Variants in RABEP1 observed in about 807,000 individuals in gnomAD.
RABEP1 encodes rabaptin, RAB GTPase binding effector protein 1.
RABEP1 carries 51 observed loss-of-function variants against 123.4 expected under a neutral mutation model. The ratio of observed to expected loss-of-function variants is 0.41; its 90% confidence interval spans 0.33 to 0.52. The LOEUF is 0.52. RABEP1 is among the 20% of genes least tolerant of loss of function. The pLI, the probability that RABEP1 is intolerant of heterozygous loss-of-function variation, is 0.16. For synonymous variants in RABEP1, 347 were observed against 355.2 expected (o/e 0.98, Z 0.26); for missense variants, 888 against 996.3 (o/e 0.89, Z 1.46).
intron 8 of RABEP1, among the ~76,000 whole-genome samples, chr17:5,357,256 C>CT (rs1262821837): frequency 6.6e-6 from 1 of 152,156 alleles, no homozygotes; most frequent in East Asian, 1.9e-4. Context: ...TAAATCTACT[C>CT]TAAGGTTTTG....
Position 5,385,514 on chromosome 17 carries a change from CTT to C in RABEP1, c.*2292_*2293del, listed in dbSNP as rs1911882870. Reference sequence around the variant, plus strand: ...CACATTGGCAAGTGTAAAAAGATGACTTAAGGTGAAGTGAGGACAAAATCACA... The same window carrying C: ...CACATTGGCAAGTGTAAAAAGATGACAAGGTGAAGTGAGGACAAAATCACA... On this transcript the variant is annotated 3_prime_UTR_variant, in exon 18 of 18. Transcript: ENST00000537505. The C allele has an allele frequency of 4.3e-6, 1 of 230,702 alleles. No individual in the cohort carries two copies. Among genetic ancestry groups the C allele is most frequent in the African/African-American group, 2.2e-5 (1 of 45,202 alleles). The allele number at this position is 230,702 out of a possible 1,614,324, so 14.3% of individuals were successfully genotyped here.
Position 5,338,144 on chromosome 17 carries a change from G to A in RABEP1, c.648+6G>A. On this transcript the variant is annotated splice_donor_region_variant and intron_variant, in intron 5 of 17. Transcript: ENST00000537505. ...AAGAGCTGGAGGCCTCAAAGGTTAT[G>A]AAACATTGTAATCCATTTGCTTGAA... 6.2e-7 allele frequency: 1 copy of A among 1,608,920 alleles called. No homozygotes were observed. The highest frequency in any genetic ancestry group is 1.3e-5 in the African/African-American group (1 of 74,790).
intron 1 of RABEP1, among the ~76,000 whole-genome samples, chr17:5,308,312 G>A (rs1422604619): frequency 2.7e-5 from 4 of 148,906 alleles, no homozygotes; most frequent in African/African-American, 5.0e-5. Context: ...TGCAACCTCC[G>A]CCTCCCGGGT....
At chr17:5,342,604 TCACA>T (rs1035968797) in intron 5 of RABEP1, among the ~76,000 whole-genome samples, 5 of 152,074 alleles carry the variant, frequency 3.3e-5, no homozygotes, top group Admixed American at 6.6e-5. Context: ...AGACTCTGTC[TCACA>T]CACACACAGC....
At position 5,282,313 on chromosome 17, in the gene RABEP1, CG is replaced by C; in HGVS notation, c.-171del. 2.3e-6 allele frequency: 1 copy of C among 433,842 alleles called. No individual in the cohort carries two copies. Among genetic ancestry groups the C allele is most frequent in the Non-Finnish European group, 3.9e-6 (1 of 256,454 alleles). 26.9% of individuals were successfully genotyped at this position (433,842 alleles called of 1,614,324 possible). The stretch of plus-strand genomic sequence containing the variant: ...GGATGAGGAGGCGGAGGTCGGCGGT[CG>C]GGTCCGTCTCTGCCCGCGGCTGTGG... On this transcript the variant is annotated 5_prime_UTR_variant, in exon 1 of 18. The change abolishes the stop of an existing upstream ORF in the 5' untranslated region. Coordinates refer to ENST00000537505, the MANE Select transcript of RABEP1 (RefSeq NM_004703.6).
chr17:5,368,378 A>T lies in RABEP1; in HGVS notation c.1794A>T (p.Ala598=). The T allele has an allele frequency of 6.2e-7, 1 of 1,611,710 alleles. No individual in the cohort carries two copies. The highest frequency in any genetic ancestry group is 8.5e-7 in the Non-Finnish European group (1 of 1,178,346). ...SSEDSSHQIS[A]LVLRAQASEI... ...CATGTGTTTTTTTAAAGATCTCTGC[A>T]CTCGTCCTAAGAGCCCAGGCCTCCG... is the stretch of plus-strand genomic sequence containing the variant. Residue 598 remains alanine (A), a synonymous_variant, in exon 12 of 18, where the codon GCA becomes GCT. Transcript: ENST00000537505.
In RABEP1 at chr17:5,332,160, C is replaced by T. The variant is rs761847070; in HGVS notation, c.367+8C>T. On this transcript the variant is annotated splice_region_variant and intron_variant, in intron 3 of 17. Coordinates refer to ENST00000537505, the MANE Select transcript of RABEP1 (RefSeq NM_004703.6). ...TTCAGGCTGTTATGAAAGGTAAAGA[C>T]AGAGAAAGATCAATTTTGTGATTTT... 8 of 1,609,998 alleles carry T rather than the reference C, an allele frequency of 5.0e-6. No homozygotes were observed. The highest frequency in any genetic ancestry group is 1.7e-5 in the Admixed American group (1 of 59,702).
rs1911368574 is a variant in RABEP1, at chr17:5,380,549, GCTTTGAAGTGTCAC to G, written c.2370+92_2370+105del. On this transcript the variant is annotated intron_variant, in intron 16 of 17. Transcript: ENST00000537505. Reference sequence around the variant, plus strand: ...TGCTTGTTGAAAAAAAAATATTGGTGCTTTGAAGTGTCACCTTTTAAAAAGTTGGCAAAACTGAC... The same window carrying G: ...TGCTTGTTGAAAAAAAAATATTGGTGCTTTTAAAAAGTTGGCAAAACTGAC... 7 of 1,118,292 alleles carry G rather than the reference GCTTTGAAGTGTCAC, an allele frequency of 6.3e-6. No homozygotes were observed. In the East Asian group the frequency reaches 1.8e-4, roughly 29 times the overall value. 69.3% of individuals were successfully genotyped at this position (1,118,292 alleles called of 1,614,324 possible).
At chr17:5,358,321 CATT>C (rs1909205575) in intron 8 of RABEP1, among the ~76,000 whole-genome samples, 1 of 152,058 alleles carries the variant, frequency 6.6e-6, no homozygotes, top group Non-Finnish European at 1.5e-5. Flanking sequence ...GTACAAAAAT[CATT>C]ATGGATGCAT....
chr17:5,355,929 C>T lies in RABEP1; in HGVS notation c.1095+1439C>T, dbSNP rs1053416803. Reference sequence around the variant, plus strand: ...GAATGTCTCAAGTTTTGGGTACAGCCAATGATTACATAGTGTTTTCATCAT... The same window carrying T: ...GAATGTCTCAAGTTTTGGGTACAGCTAATGATTACATAGTGTTTTCATCAT... On this transcript the variant is annotated intron_variant, in intron 8 of 17. Coordinates refer to ENST00000537505, the MANE Select transcript of RABEP1 (RefSeq NM_004703.6). Among the ~76,000 whole-genome samples the T allele has an allele frequency of 2.0e-5, 3 of 151,976 alleles. No individual in the cohort carries two copies. The South Asian group carries it at 6.2e-4, about 32-fold the overall frequency.
chr17:5,292,501 C>T (rs892928580), intron 1 of RABEP1, among the ~76,000 whole-genome samples: 5 of 152,030 alleles, frequency 3.3e-5, no homozygotes, highest in Admixed American at 2.0e-4. Context: ...AGTTCTGCCT[C>T]GGCCTCCCGA....
chr17:5,302,492 C>T (rs575807244), intron 1 of RABEP1, among the ~76,000 whole-genome samples: 5 of 151,696 alleles, frequency 3.3e-5, no homozygotes, highest in African/African-American at 9.7e-5. Flanking sequence ...CCATCCCCCT[C>T]GGCCTCCCAA....
intron 7 of RABEP1, among the ~76,000 whole-genome samples, chr17:5,351,691 A>T (rs1427439748): frequency 6.6e-6 from 1 of 152,074 alleles, no homozygotes; most frequent in African/African-American, 2.4e-5. Context: ...AGTTCCAGCT[A>T]CTTGGGAGGC....
At chr17:5,337,926 TG>T (rs1907243544) in intron 4 of RABEP1, 92 bp from the exon 5 acceptor site, 2 of 1,370,122 alleles carry the variant, frequency 1.5e-6, no homozygotes, top group Admixed American at 2.5e-5. Context: ...TCAAGTTACT[TG>T]TTATAATAAT....
chr17:5,297,865 A>G (rs1245694127), intron 1 of RABEP1, among the ~76,000 whole-genome samples: 1 of 152,214 alleles, frequency 6.6e-6, no homozygotes, highest in Admixed American at 6.5e-5. Context: ...ATAATAGTTG[A>G]TAAATAGGCA....
At chr17:5,341,643 A>G (rs982865243) in intron 5 of RABEP1, among the ~76,000 whole-genome samples, 1 of 152,236 alleles carries the variant, frequency 6.6e-6, no homozygotes, top group Admixed American at 6.5e-5. Context: ...GAGCAAACAC[A>G]TAGAAAGGTA....
Position 5,364,001 on chromosome 17 carries a change from C to G in RABEP1, c.1668+985C>G, listed in dbSNP as rs117109872. 2.8e-4 allele frequency among the ~76,000 whole-genome samples: 42 copies of G among 152,264 alleles called. No individual in the cohort carries two copies. In the East Asian group the frequency reaches 4.1e-3, roughly 15 times the overall value. On this transcript the variant is annotated intron_variant, in intron 10 of 17. Transcript: ENST00000537505. The stretch of plus-strand genomic sequence containing the variant: ...TTCTTTGGTTGTTATGAAGATTGTT[C>G]CCTTAGCCTTCAAAATAACTTCAAG...
chr17:5,383,047 T>TCTCAGCTAAACCAGTCAA, intron 17 of RABEP1, 75 bp from the exon 18 acceptor site: 1 of 1,164,310 alleles, frequency 8.6e-7, no homozygotes, highest in Non-Finnish European at 1.3e-6. Flanking sequence ...ATCTGCTACA[T>TCTCAGCTAAACCAGTCAA]CTCAGCTAAA....
chr17:5,347,175 C>A (rs1908131294), intron 6 of RABEP1, among the ~76,000 whole-genome samples: 1 of 152,118 alleles, frequency 6.6e-6, no homozygotes, highest in African/African-American at 2.4e-5. Flanking sequence ...TTTGGGAGGC[C>A]AAGGTGGGCA....
Sources: allele counts gnomAD v4.1 joint callset (sites outside exome capture counted in the v4.1 genomes callset), GRCh38; gene constraint gnomAD v4.1.1; transcripts MANE v1.5; gene names NCBI Gene and HGNC (gene_info 2026-07-23, HGNC 2026-07-21).